The following COL5A1 variants were observed in gnomAD, a reference collection of about 807,000 sequenced individuals.
The protein encoded by COL5A1 is collagen alpha-1(V) chain.
COL5A1 carries 16 observed loss-of-function variants against 263.7 expected under a neutral mutation model. That is an observed-to-expected ratio of 0.06 (90% CI 0.04 to 0.09). The LOEUF is 0.09. Ranked by LOEUF, COL5A1 falls within the 10% of genes least tolerant of loss-of-function variation. COL5A1 has a pLI of 1.00. For synonymous variants in COL5A1, 1,012 were observed against 1,004.5 expected (o/e 1.01, Z -0.14); for missense variants, 2,036 against 2,540.5 (o/e 0.80, Z 4.27).
In COL5A1 at chr9:134,835,119, A is replaced by G. The variant is rs760300314; in HGVS notation, c.5285A>G (p.Lys1762Arg). Residue 1762 changes from lysine (K) to arginine (R), a missense_variant, in exon 65 of 66, where the codon AAG (lysine) becomes AGG (arginine). Physicochemically the swap from Lys to Arg is conservative, Grantham distance 26. Transcript: ENST00000371817. ...WQDAATGSYDKALRFLGSNDE... is the reference protein window; with the variant it reads ...WQDAATGSYDRALRFLGSNDE... ...GACGCAGCCACGGGCAGCTACGACAAGGCCCTCCGCTTCCTGGGCTCCAAC... is the reference window on the plus strand; with the variant it reads ...GACGCAGCCACGGGCAGCTACGACAGGGCCCTCCGCTTCCTGGGCTCCAAC... 1 of 1,613,850 alleles carries G rather than the reference A, an allele frequency of 6.2e-7. No individual in the cohort carries two copies. Among genetic ancestry groups the G allele is most frequent in the South Asian group, 1.1e-5 (1 of 91,088 alleles).
Position 134,789,090 on chromosome 9 carries a change from C to CG in COL5A1, c.2647-63dup. 7.0e-7 allele frequency: 1 copy of CG among 1,435,596 alleles called. No homozygotes were observed. Among genetic ancestry groups the CG allele is most frequent in the South Asian group, 1.2e-5 (1 of 86,298 alleles). 88.9% of individuals were successfully genotyped at this position (1,435,596 alleles called of 1,614,324 possible). A position where few individuals can be genotyped will look rare whatever the true frequency, so the allele number is the denominator to read the frequency against. On this transcript the variant is annotated intron_variant, in intron 31 of 65. Transcript: ENST00000371817. The surrounding 1 kb of genome is among the most constrained non-coding windows in gnomAD (Gnocchi z 4.8). ...ACTGGCATGCAGGTGGTCCCCCAGG[C>CG]GGCCCATGCAGCATGACTCATTCCT...
intron 2 of COL5A1, 73 bp downstream of exon 2, chr9:134,691,152 C>T (rs1199552573): frequency 2.5e-6 from 4 of 1,588,064 alleles, no homozygotes; most frequent in African/African-American, 1.3e-5. Flanking sequence ...GAGCAGCGCT[C>T]AAGCCTGCGT....
At chr9:134,832,781 G>A (rs1046533703) in intron 64 of COL5A1, 1 of 152,268 alleles carries the variant, frequency 6.6e-6, no homozygotes, top group Non-Finnish European at 1.5e-5. Flanking sequence ...CTGAAAGCGT[G>A]GAGTTCGCCG....
At chr9:134,814,928 GGGGCCC>G in intron 50 of COL5A1, 24 bp downstream of exon 50, 1 of 1,518,318 alleles carries the variant, frequency 6.6e-7, no homozygotes, top group Non-Finnish European at 8.9e-7. Flanking sequence ...ACACACCTCA[GGGGCCC>G]TGCAGCAGGG....
intron 4 of COL5A1, among the ~76,000 whole-genome samples, chr9:134,703,627 GTTTTTTTT>G (rs55882557): frequency 2.7e-5 from 2 of 73,300 alleles, no homozygotes; most frequent in Admixed American, 1.9e-4. Context: ...GTGGCCTCGG[GTTTTTTTT>G]TTTTTTTTTT....
At chr9:134,668,534 G>T (rs1045672388) in intron 1 of COL5A1, among the ~76,000 whole-genome samples, 5 of 151,302 alleles carry the variant, frequency 3.3e-5, no homozygotes, top group Admixed American at 3.3e-4. Flanking sequence ...GTGTATTGGT[G>T]TCTTTACCCA....
At chr9:134,798,304 G>T (rs1456245138) in intron 36 of COL5A1, 104 bp from the exon 37 acceptor site, 3 of 1,041,168 alleles carry the variant, frequency 2.9e-6, no homozygotes, top group African/African-American at 3.1e-5. Flanking sequence ...GATGTGCAGG[G>T]GCAGGAGCCA....
In COL5A1 at chr9:134,830,938, C is replaced by T. The variant is rs1364797824; in HGVS notation, c.5136+894C>T. ...TGAAGAGCAGAGTTCTGTCTTTTCT[C>T]CCAGCAAGTTAAAGGACCAAGGTTC... On this transcript the variant is annotated intron_variant, in intron 64 of 65. Transcript: ENST00000371817. Among the ~76,000 whole-genome samples, 6 of 152,310 alleles carry T rather than the reference C, an allele frequency of 3.9e-5. No individual in the cohort carries two copies. The East Asian group carries it at 7.7e-4, about 20-fold the overall frequency.
At chr9:134,770,935 C>T (rs1173525638) in intron 25 of COL5A1, among the ~76,000 whole-genome samples, 1 of 152,268 alleles carries the variant, frequency 6.6e-6, no homozygotes, top group Non-Finnish European at 1.5e-5. Flanking sequence ...GCTTTACTCT[C>T]ATTCTCTATC....
chr9:134,793,033 AT>A (rs1837773333), intron 32 of COL5A1, among the ~76,000 whole-genome samples: 1 of 152,092 alleles, frequency 6.6e-6, no homozygotes, highest in African/African-American at 2.4e-5. Flanking sequence ...GACCTTGACT[AT>A]GGGCCAGACG....
At chr9:134,707,132 G>A (rs911388444) in intron 4 of COL5A1, among the ~76,000 whole-genome samples, 1 of 152,216 alleles carries the variant, frequency 6.6e-6, no homozygotes, top group Non-Finnish European at 1.5e-5. Flanking sequence ...CCTCCTCTGT[G>A]GGTGAGCTAT....
Position 134,760,684 on chromosome 9 carries a change from C to T in COL5A1, c.1936-1241C>T, listed in dbSNP as rs115152297. On this transcript the variant is annotated intron_variant, in intron 18 of 65. Coordinates refer to ENST00000371817, the MANE Select transcript of COL5A1 (RefSeq NM_000093.5). ...ACACACCACACATGCACACCCCCCA[C>T]ACTCATACATGCACACACACACCCA... Among the ~76,000 whole-genome samples the T allele has an allele frequency of 9.9e-3, 1,365 of 137,524 alleles. 50 individuals carry two copies. In the South Asian group the frequency reaches 0.1, roughly 10 times the overall value. The allele number at this position is 137,524 out of a possible 152,430, so 90.2% of individuals were successfully genotyped here.
chr9:134,735,979 C>T (rs1835082857), intron 9 of COL5A1, among the ~76,000 whole-genome samples: 1 of 152,032 alleles, frequency 6.6e-6, no homozygotes, highest in South Asian at 2.1e-4. Flanking sequence ...TGGCCTGTGG[C>T]CTGGCTGGAC....
rs576059199 is a variant in COL5A1 at position 134,769,584 on chromosome 9, G to T, written c.2286+1121G>T. On this transcript the variant is annotated intron_variant, in intron 25 of 65. Transcript: ENST00000371817. ...ATTTAGCCATTGACAGCGGGTGGAC[G>T]TGTGTCCTTCCAGGCTAGTTTTCTG... 2.0e-5 allele frequency among the ~76,000 whole-genome samples: 3 copies of T among 152,366 alleles called. No individual in the cohort carries two copies. In the East Asian group the frequency reaches 5.8e-4, roughly 29 times the overall value.
At chr9:134,796,541 G>T (rs1263682079) in intron 35 of COL5A1, 123 bp downstream of exon 35, 2 of 1,065,440 alleles carry the variant, frequency 1.9e-6, no homozygotes, top group Non-Finnish European at 2.9e-6. Flanking sequence ...TGAAGGGTAG[G>T]GTTTTCCTAA....
intron 19 of COL5A1, among the ~76,000 whole-genome samples, chr9:134,762,992 A>G (rs1481192666): frequency 6.6e-6 from 1 of 152,018 alleles, no homozygotes; most frequent in East Asian, 1.9e-4. Context: ...GTGGACAAGC[A>G]TGTGTGTATG....
chr9:134,785,222 C>T (rs916451528), intron 30 of COL5A1, 126 bp downstream of exon 30: 2 of 678,498 alleles, frequency 2.9e-6, no homozygotes, highest in Non-Finnish European at 5.2e-6. Flanking sequence ...TGAGCGGGCT[C>T]CTGTCTCCAC....
At chr9:134,803,706 G>A (rs1838192824) in intron 39 of COL5A1, among the ~76,000 whole-genome samples, 1 of 152,146 alleles carries the variant, frequency 6.6e-6, no homozygotes, top group Non-Finnish European at 1.5e-5. Context: ...AGCTGGGTGT[G>A]GTGGCGGGCG....
At position 134,766,969 on chromosome 9, in the gene COL5A1, C is replaced by T. The variant is rs759721141; in HGVS notation, c.2134-31C>T. On this transcript the variant is annotated intron_variant, in intron 22 of 65. Coordinates refer to ENST00000371817, the MANE Select transcript of COL5A1 (RefSeq NM_000093.5). ...GAAGGGGATACAGTTCCCAGAGCCC[C>T]CTTCAGTGCCTTTGCTCTTGTCTCC... The T allele has an allele frequency of 4.4e-6, 7 of 1,608,250 alleles. No homozygotes were observed. The African/African-American group carries it at 8.0e-5, about 18-fold the overall frequency.
Sources: allele counts gnomAD v4.1 joint callset (sites outside exome capture counted in the v4.1 genomes callset), GRCh38; gene constraint gnomAD v4.1.1; non-coding constraint Gnocchi (gnomAD v3.1); transcripts MANE v1.5; gene names NCBI Gene and HGNC (gene_info 2026-07-23, HGNC 2026-07-21).